The following TBKBP1 variants were observed in gnomAD, a reference collection of about 807,000 sequenced individuals.
TBKBP1 encodes TBK1 binding protein 1.
Under a neutral mutation model 69.9 loss-of-function variants are expected in TBKBP1, and 47 were observed. The observed-to-expected ratio is 0.67, with a 90% confidence interval of 0.53 to 0.86. The LOEUF (loss-of-function observed/expected upper bound fraction) is 0.86. Among genes scored for constraint, TBKBP1 ranks in the 40% least tolerant of loss-of-function variants. The probability of loss-of-function intolerance (pLI) is 0.00; values close to 1 mark genes in which losing one functional copy is unlikely to be tolerated. For missense variants in TBKBP1, 831 were observed against 858.6 expected (o/e 0.97, Z 0.40); for synonymous variants, 418 against 390.3 (o/e 1.07, Z -0.84).
chr17:47,699,824 CTTTTT>C, intron 7 of TBKBP1, 127 bp downstream of exon 7: 12 of 777,384 alleles, frequency 1.5e-5, no homozygotes, highest in Non-Finnish European at 2.0e-5. Context: ...AGGTGGGGTT[CTTTTT>C]TTTTTTTTTT....
Position 47,709,073 on chromosome 17 carries a change from C to G in TBKBP1, c.1340C>G (p.Pro447Arg), listed in dbSNP as rs1307931154. 7.4e-7 allele frequency: 1 copy of G among 1,348,152 alleles called. No individual in the cohort carries two copies. Among genetic ancestry groups the G allele is most frequent in the Admixed American group, 3.9e-5 (1 of 25,328 alleles). 83.5% of individuals were successfully genotyped at this position (1,348,152 alleles called of 1,614,324 possible). Residue 447 changes from proline (P) to arginine (R), a missense_variant, in exon 9 of 10, where the codon CCG (proline) becomes CGG (arginine). Transcript: ENST00000578982. ...RTLAERAYAK[P>R]PSHHVKAGFQ... ...CTGGCCGAGCGCGCCTACGCCAAGC[C>G]GCCCAGCCACCACGTGAAGGCCGGC... is the stretch of plus-strand genomic sequence containing the variant.
At chr17:47,705,141 G>A (rs1004401061) in intron 7 of TBKBP1, among the ~76,000 whole-genome samples, 2 of 152,090 alleles carry the variant, frequency 1.3e-5, no homozygotes, top group Non-Finnish European at 2.9e-5. Context: ...CCTCCTCTTC[G>A]TCTTTCCCTT....
At position 47,696,307 on chromosome 17, in the gene TBKBP1, C is replaced by T. The variant is rs1206958939; in HGVS notation, c.195C>T (p.Leu65=). The T allele has an allele frequency of 9.3e-6, 15 of 1,613,290 alleles. No homozygotes were observed. In the South Asian group the frequency reaches 1.3e-4, roughly 14 times the overall value. The change falls in exon 2 of 10, where the codon CTC becomes CTT. Residue 65 remains leucine (L), a synonymous_variant. Transcript: ENST00000578982. ...LGGLERENAT[L]RRRLKVYEIK... ...GCCTGGAGAGGGAGAACGCCACCCTCCGACGCCGCCTCAAAGTCTACGAGA... is the reference window on the plus strand; with the variant it reads ...GCCTGGAGAGGGAGAACGCCACCCTTCGACGCCGCCTCAAAGTCTACGAGA...
At chr17:47,695,087 C>T (rs1597951863) in intron 1 of TBKBP1, among the ~76,000 whole-genome samples, 1 of 152,292 alleles carries the variant, frequency 6.6e-6, no homozygotes, top group South Asian at 2.1e-4. Context: ...CCCGGACGTG[C>T]CACCCTGCCC....
intron 9 of TBKBP1, 124 bp from the exon 10 acceptor site, chr17:47,710,374 G>A: frequency 7.6e-7 from 1 of 1,312,274 alleles, no homozygotes; most frequent in Non-Finnish European, 1.0e-6. Context: ...TGAAGAAAGG[G>A]TGGCTGGACC....
At chr17:47,701,686 A>C (rs1476324260) in intron 7 of TBKBP1, among the ~76,000 whole-genome samples, 2 of 152,122 alleles carry the variant, frequency 1.3e-5, no homozygotes, top group African/African-American at 4.8e-5. Context: ...AGAAGCAGAG[A>C]AGGGGCAGGG....
In TBKBP1 at chr17:47,699,459, G is replaced by T. The variant is rs367688384; in HGVS notation, c.774G>T (p.Gln258His). 35 of 1,573,060 alleles carry T rather than the reference G, an allele frequency of 2.2e-5. No individual in the cohort carries two copies. Among genetic ancestry groups the T allele is most frequent in the Middle Eastern group, 1.8e-4 (1 of 5,438 alleles). Residue 258 changes from glutamine (Q) to histidine (H), a missense_variant, in exon 6 of 10, where the codon CAG becomes CAT. Gln to His is a conservative substitution (Grantham distance 24, BLOSUM62 0). Coordinates refer to ENST00000578982, the MANE Select transcript of TBKBP1 (RefSeq NM_001394755.1). ...EQLQAECERL[Q>H]GELKQLQETR... is the part of the protein sequence containing the mutation. ...TCCAGGCCGAGTGCGAGCGGCTGCA[G>T]GGGGAGCTGAAGCAGCTGCAGGAGA...
intron 7 of TBKBP1, among the ~76,000 whole-genome samples, chr17:47,707,193 T>C (rs994855016): frequency 4.6e-5 from 7 of 152,190 alleles, no homozygotes; most frequent in African/African-American, 1.4e-4. Context: ...AGAACAGTGA[T>C]GAAGGCAGGG....
intron 7 of TBKBP1, among the ~76,000 whole-genome samples, chr17:47,707,914 C>T (rs2031752147): frequency 6.6e-6 from 1 of 152,214 alleles, no homozygotes; most frequent in South Asian, 2.1e-4. Flanking sequence ...TCCCAGTACA[C>T]AGATTATAAC....
Position 47,699,359 on chromosome 17 carries a change from A to AGCG in TBKBP1, c.683_685dup (p.Arg228dup). On this transcript the variant is annotated inframe_insertion, in exon 6 of 10. Transcript: ENST00000578982. ...TCCACACCCAGTGTGAGTGACCTGG[A>AGCG]GCGGCGGCGGCTAGAAGAGGCTTTG... 1 of 1,551,882 alleles carries AGCG rather than the reference A, an allele frequency of 6.4e-7. No individual in the cohort carries two copies. The highest frequency in any genetic ancestry group is 8.7e-7 in the Non-Finnish European group (1 of 1,154,388).
At chr17:47,699,292 C>T (rs369999216) in intron 5 of TBKBP1, 28 bp from the exon 6 acceptor site, 16 of 1,492,932 alleles carry the variant, frequency 1.1e-5, no homozygotes, top group African/African-American at 5.6e-5. Context: ...CAGCTGAGCT[C>T]GCCTGACGTT....
At chr17:47,710,371 A>G (rs2031880732) in intron 9 of TBKBP1, 127 bp from the exon 10 acceptor site, 1 of 1,280,214 alleles carries the variant, frequency 7.8e-7, no homozygotes, top group Non-Finnish European at 1.1e-6. Flanking sequence ...TGCTGAAGAA[A>G]GGGTGGCTGG....
Position 47,697,080 on chromosome 17 carries a change from C to T in TBKBP1, c.349-9C>T, listed in dbSNP as rs1216577982. ...GACCCTGTGGTGGGGCCCTCTGGGC[C>T]TCATCCAGTTACAGAAGAACAAGGA... On this transcript the variant is annotated splice_polypyrimidine_tract_variant and intron_variant, in intron 3 of 9. Transcript: ENST00000578982. The T allele has an allele frequency of 6.2e-7, 1 of 1,606,790 alleles. No individual in the cohort carries two copies. The highest frequency in any genetic ancestry group is 8.5e-7 in the Non-Finnish European group (1 of 1,176,632).
chr17:47,701,736 G>A (rs2031513863), intron 7 of TBKBP1, among the ~76,000 whole-genome samples: 1 of 152,220 alleles, frequency 6.6e-6, no homozygotes. Context: ...GTGAAAGGAA[G>A]CCCACCCTAT....
intron 4 of TBKBP1, among the ~76,000 whole-genome samples, chr17:47,697,949 CAAA>C (rs1170697190): frequency 1.1e-4 from 4 of 36,938 alleles, no homozygotes; most frequent in Non-Finnish European, 1.1e-4. Flanking sequence ...ACCCTGTCTC[CAAA>C]AAAAAAAAAA....
intron 7 of TBKBP1, among the ~76,000 whole-genome samples, chr17:47,704,444 C>T (rs964142501): frequency 2.0e-5 from 3 of 152,220 alleles, no homozygotes; most frequent in Non-Finnish European, 2.9e-5. Flanking sequence ...GGCGGGAAGA[C>T]TGATGCTGGG....
At chr17:47,699,581 C>T (rs2031406655) in intron 6 of TBKBP1, 55 bp from the exon 7 acceptor site, 1 of 1,613,762 alleles carries the variant, frequency 6.2e-7, no homozygotes, top group Non-Finnish European at 8.5e-7. Context: ...GAACTGTAGA[C>T]AAGGGCCCTG....
In TBKBP1 at chr17:47,696,122, A is replaced by G. The variant is rs771944620; in HGVS notation, c.10A>G (p.Met4Val). Residue 4 changes from methionine (M) to valine (V), a missense_variant, in exon 2 of 10, where the codon ATG (methionine) becomes GTG (valine). Physicochemically the swap from Met to Val is conservative, Grantham distance 21. Transcript: ENST00000578982. MESMFEDDISILTQ... is the reference protein window; with the variant it reads MESVFEDDISILTQ... ...CGGCCCGGCCCTCACCATGGAGTCC[A>G]TGTTCGAGGACGACATCAGCATCCT... The G allele has an allele frequency of 3.7e-6, 6 of 1,611,142 alleles. No homozygotes were observed. Among genetic ancestry groups the G allele is most frequent in the Non-Finnish European group, 4.2e-6 (5 of 1,179,072 alleles).
intron 3 of TBKBP1, 79 bp downstream of exon 3, chr17:47,696,912 A>G: frequency 1.3e-6 from 2 of 1,574,472 alleles, no homozygotes; most frequent in South Asian, 2.3e-5. Context: ...CACACCCCCC[A>G]GCATCTGGCC....
Sources: gnomAD v4.1 joint callset for allele counts (sites outside exome capture counted in the v4.1 genomes callset) on GRCh38, gnomAD v4.1.1 for gene constraint, MANE v1.5 for transcripts, NCBI Gene and HGNC (gene_info 2026-07-23, HGNC 2026-07-21) for gene names.